The following FAM50A variants were observed in gnomAD, a reference collection of about 807,000 sequenced individuals.
The protein encoded by FAM50A is protein FAM50A.
FAM50A carries 6 observed loss-of-function variants against 35.5 expected under a neutral mutation model. The observed-to-expected ratio is 0.17, with a 90% CI of 0.09 to 0.33. The LOEUF (loss-of-function observed/expected upper bound fraction) is 0.33. FAM50A is among the 10% of genes least tolerant of loss of function. The pLI, the probability that FAM50A is intolerant of heterozygous loss-of-function variation, is 1.00. For missense variants in FAM50A, 145 were observed against 295.5 expected, an observed-to-expected ratio of 0.49 and a Z score of 3.73; for synonymous variants, 120 against 110.9, an observed-to-expected ratio of 1.08 and a Z score of -0.52.
At position 154,446,504 on chromosome X, in the gene FAM50A, A is replaced by C. The variant is rs1557199837; in HGVS notation, c.386A>C (p.Glu129Ala). ...SLSFTLEEEE[E>A]GGEEEEEAAM... is the part of the protein sequence containing the mutation. ...TCCTTCACCCTGGAGGAGGAAGAAG[A>C]GGGAGGCGAGGAGGAAGAGGAGGCG... The change falls in exon 4 of 13, where the codon GAG (glutamate) becomes GCG (alanine). Residue 129 changes from glutamate to alanine, a missense_variant. By Grantham distance (107) the Glu-to-Ala change is moderately radical. Transcript: ENST00000393600. The C allele has an allele frequency of 8.3e-7, 1 of 1,200,881 alleles. No homozygotes were observed. Among genetic ancestry groups the C allele is most frequent in the Admixed American group, 2.2e-5 (1 of 45,499 alleles).
At chrX:154,446,989 G>A (rs1351947243) in intron 4 of FAM50A, among the ~76,000 whole-genome samples, 2 of 112,387 alleles carry the variant, frequency 1.8e-5, no homozygotes, top group African/African-American at 6.5e-5. Flanking sequence ...TGGCCTCCAC[G>A]TGTGCCACAC....
rs2068802360 is a variant in FAM50A at position 154,450,635 on chromosome X, G to GC, written c.*205dup. On this transcript the variant is annotated 3_prime_UTR_variant, in exon 13 of 13. Coordinates refer to ENST00000393600, the MANE Select transcript of FAM50A (RefSeq NM_004699.4). ...GAAGTGCACGTGTCAGAGCTGGAGC[G>GC]CCTGCATTGTGAGAAACCATTTGTG... 2 of 441,649 alleles carry GC rather than the reference G, an allele frequency of 4.5e-6. No homozygotes were observed. Among genetic ancestry groups the GC allele is most frequent in the African/African-American group, 4.9e-5 (2 of 40,769 alleles). The allele number at this position is 441,649 out of a possible 1,213,427, so 36.4% of individuals were successfully genotyped here. A position where few individuals can be genotyped will look rare whatever the true frequency, so the allele number is the denominator to read the frequency against.
chrX:154,448,828 G>A (rs1409297415), intron 6 of FAM50A, 65 bp from the exon 7 acceptor site: 1 of 1,187,439 alleles, frequency 8.4e-7, no homozygotes, highest in African/African-American at 1.8e-5. Context: ...TCTCCTGGGT[G>A]GTGCGCTGAG....
At position 154,445,792 on chromosome X, in the gene FAM50A, T is replaced by C. The variant is rs782224227; in HGVS notation, c.197-20T>C. 1 of 1,202,524 alleles carries C rather than the reference T, an allele frequency of 8.3e-7. No individual in the cohort carries two copies. Among genetic ancestry groups the C allele is most frequent in the South Asian group, 1.8e-5 (1 of 56,804 alleles). ...CTGGCCCTGCGACTACCTTGCCCCT[T>C]GTGCCTCCTTGCTTCAAAGGTCTCG... On this transcript the variant is annotated intron_variant, in intron 2 of 12. Transcript: ENST00000393600.
At chrX:154,449,457 C>T (rs2068795842) in intron 8 of FAM50A, among the ~76,000 whole-genome samples, 160 bp downstream of exon 8, 1 of 112,631 alleles carries the variant, frequency 8.9e-6, no homozygotes, top group Non-Finnish European at 1.9e-5. Flanking sequence ...TCCCTTCCCT[C>T]CCACCAGAGA....
At chrX:154,447,051 G>A (rs781796273) in intron 4 of FAM50A, among the ~76,000 whole-genome samples, 2 of 111,564 alleles carry the variant, frequency 1.8e-5, no homozygotes, top group Admixed American at 9.5e-5. Flanking sequence ...TCTCCTGGTG[G>A]AAGTCACGGG....
rs1398083660 is a variant in FAM50A at position 154,444,343 on chromosome X, G to A, written c.108G>A (p.Ala36=). 1.3e-5 allele frequency: 14 copies of A among 1,084,811 alleles called. No homozygotes were observed. The highest frequency in any genetic ancestry group is 1.7e-5 in the Non-Finnish European group (14 of 821,549). 89.4% of individuals were successfully genotyped at this position (1,084,811 alleles called of 1,213,427 possible). Residue 36 remains alanine (A), a synonymous_variant, in exon 1 of 13, where the codon GCG becomes GCA. Coordinates refer to ENST00000393600, the MANE Select transcript of FAM50A (RefSeq NM_004699.4). ...TGGAGCAGATGAAGCAGCGCATCGC[G>A]GAGGTGCGAGCCGGGGAGCCTCGGA... The part of the protein sequence containing the change: ...EQMEQMKQRI[A]EENIMKSNID...
intron 7 of FAM50A, 53 bp from the exon 8 acceptor site, chrX:154,449,167 GC>G: frequency 9.3e-7 from 1 of 1,074,874 alleles, no homozygotes; most frequent in Non-Finnish European, 1.3e-6. Flanking sequence ...CTTGTTGAGA[GC>G]CCTTCTGCAG....
Position 154,450,623 on chromosome X carries a change from C to T in FAM50A, c.*191C>T, listed in dbSNP as rs980433778. The T allele has an allele frequency of 2.2e-6, 1 of 452,652 alleles. No individual in the cohort carries two copies. The highest frequency in any genetic ancestry group is 3.3e-5 in the South Asian group (1 of 29,868). The allele number at this position is 452,652 out of a possible 1,213,427, so 37.3% of individuals were successfully genotyped here. A position where few individuals can be genotyped will look rare whatever the true frequency, so the allele number is the denominator to read the frequency against. ...TTTTCCAATAAAGAAGTGCACGTGT[C>T]AGAGCTGGAGCGCCTGCATTGTGAG... is the stretch of plus-strand genomic sequence containing the variant. On this transcript the variant is annotated 3_prime_UTR_variant, in exon 13 of 13. Coordinates refer to ENST00000393600, the MANE Select transcript of FAM50A (RefSeq NM_004699.4).
intron 4 of FAM50A, among the ~76,000 whole-genome samples, chrX:154,448,074 T>C (rs1432409403): frequency 5.7e-5 from 5 of 87,771 alleles, no homozygotes; most frequent in Admixed American, 5.7e-4. Context: ...TTTTCTTTCT[T>C]TTTTTTTTTT....
Position 154,444,203 on chromosome X carries a change from C to CCCGCCGCCG in FAM50A, c.-13_-5dup, listed in dbSNP as rs781785747. The CCCGCCGCCG allele has an allele frequency of 1.0e-4, 65 of 640,032 alleles. No individual in the cohort carries two copies. The East Asian group carries it at 4.4e-3, about 44-fold the overall frequency. 52.7% of individuals were successfully genotyped at this position (640,032 alleles called of 1,213,427 possible). On this transcript the variant is annotated 5_prime_UTR_variant, in exon 1 of 13. Coordinates refer to ENST00000393600, the MANE Select transcript of FAM50A (RefSeq NM_004699.4). ...GCTGTCGCTGTCGCCGCCGCCGCCG[C>CCCGCCGCCG]CCGCCGCCGCCGCCGCCGCCGCCGC...
At position 154,445,545 on chromosome X, in the gene FAM50A, G is replaced by C. The variant is rs782391522; in HGVS notation, c.112-88G>C. 130 of 727,623 alleles carry C rather than the reference G, an allele frequency of 1.8e-4. No individual in the cohort carries two copies. In the South Asian group the frequency reaches 2.7e-3, roughly 15 times the overall value. The allele number at this position is 727,623 out of a possible 1,213,427, so 60.0% of individuals were successfully genotyped here. ...TTCCATCGACAAGGGCACAGGGGCA[G>C]ATTTGGACTATAACGCAGGTCCTTG... On this transcript the variant is annotated intron_variant, in intron 1 of 12. Transcript: ENST00000393600.
At chrX:154,449,141 C>A (rs1379021363) in intron 7 of FAM50A, 80 bp from the exon 8 acceptor site, 2 of 946,073 alleles carry the variant, frequency 2.1e-6, no homozygotes, top group African/African-American at 1.9e-5. Context: ...TCTGGCAGGG[C>A]CCTCTGGGCC....
chrX:154,444,376 C>T, intron 1 of FAM50A, 30 bp downstream of exon 1: 1 of 865,674 alleles, frequency 1.2e-6, no homozygotes, highest in South Asian at 2.4e-5. Flanking sequence ...GGAGCATGCG[C>T]GCTGCCCAGG....
At chrX:154,446,885 A>G (rs762514) in intron 4 of FAM50A, among the ~76,000 whole-genome samples, 27,594 of 111,716 alleles carry the variant, frequency 0.25, 4,259 homozygotes, top group African/African-American at 0.58. Flanking sequence ...AGAAATTCCG[A>G]GGCTACTAGT....
At position 154,448,945 on chromosome X, in the gene FAM50A, G is replaced by T; in HGVS notation, c.639G>T (p.Arg213=). Residue 213 remains arginine, a synonymous_variant, in exon 7 of 13, where the codon CGG becomes CGT. Coordinates refer to ENST00000393600, the MANE Select transcript of FAM50A (RefSeq NM_004699.4). ...FSYWDGSGHR[R]TVKMRKGNTM... is the part of the protein sequence containing the mutation. ...ACTGGGATGGCTCTGGGCACCGGCGGACAGTCAAGGTAGGCAGCGTGCAGC... is the reference window on the plus strand; with the variant it reads ...ACTGGGATGGCTCTGGGCACCGGCGTACAGTCAAGGTAGGCAGCGTGCAGC... The T allele has an allele frequency of 8.3e-7, 1 of 1,209,489 alleles. No homozygotes were observed. Among genetic ancestry groups the T allele is most frequent in the Non-Finnish European group, 1.1e-6 (1 of 893,532 alleles).
intron 7 of FAM50A, 119 bp downstream of exon 7, chrX:154,449,073 C>A: frequency 1.1e-6 from 1 of 902,725 alleles, no homozygotes; most frequent in Non-Finnish European, 1.6e-6. Context: ...TAACTGGCTC[C>A]AGGGCCTGGC....
intron 7 of FAM50A, 122 bp from the exon 8 acceptor site, chrX:154,449,099 T>C: frequency 1.1e-6 from 1 of 869,917 alleles, no homozygotes; most frequent in Non-Finnish European, 1.7e-6. Context: ...GTCTGGGGAG[T>C]GAGGCCCAGG....
chrX:154,448,151 C>G (rs782052079), intron 4 of FAM50A, among the ~76,000 whole-genome samples: 53 of 104,331 alleles, frequency 5.1e-4, no homozygotes, highest in Non-Finnish European at 9.3e-4. Context: ...TCACTGCAGC[C>G]CCGACCTCGC....
Sources: allele counts gnomAD v4.1 joint callset (sites outside exome capture counted in the v4.1 genomes callset), GRCh38; gene constraint gnomAD v4.1.1; transcripts MANE v1.5; gene names NCBI Gene and HGNC (gene_info 2026-07-23, HGNC 2026-07-21).